The following FLCN variants were observed in gnomAD, a reference collection of about 807,000 sequenced individuals.
FLCN encodes BHD skin lesion fibrofolliculoma protein.
In FLCN, 22 loss-of-function variants were observed where a neutral mutation model predicts 62.5. The ratio of observed to expected loss-of-function variants is 0.35; its 90% CI spans 0.25 to 0.50. The LOEUF (loss-of-function observed/expected upper bound fraction) is 0.50. FLCN is among the 20% of genes least tolerant of loss of function. The pLI is 0.97. For synonymous variants in FLCN, 319 were observed against 310.0 expected (o/e 1.03, Z -0.30); for missense variants, 657 against 778.0 (o/e 0.84, Z 1.85).
chr17:17,221,052 G>T, intron 8 of FLCN: 4 of 823,098 alleles, frequency 4.9e-6, no homozygotes, highest in Non-Finnish European at 6.9e-6. Flanking sequence ...CCAGGCTGGT[G>T]CACACAGTGC....
At chr17:17,215,597 G>A (rs1438036229) in intron 11 of FLCN, among the ~76,000 whole-genome samples, 1 of 152,236 alleles carries the variant, frequency 6.6e-6, no homozygotes, top group African/African-American at 2.4e-5. Context: ...GCAGCCCTAT[G>A]AGGGTGGTCT....
At chr17:17,221,683 G>A (rs1461581815) in intron 7 of FLCN, 55 bp from the exon 8 acceptor site, 2 of 1,563,904 alleles carry the variant, frequency 1.3e-6, no homozygotes, top group Non-Finnish European at 1.7e-6. Flanking sequence ...AAGCAAACCT[G>A]ACGCTCACCC....
rs1020309073 is a variant in FLCN, at chr17:17,212,451, C to T, written c.*1204G>A. 1 of 135,274 alleles carries T rather than the reference C, an allele frequency of 7.4e-6. No individual in the cohort carries two copies. The highest frequency in any genetic ancestry group is 1.0e-4 in the Admixed American group (1 of 9,966). 8.4% of individuals were successfully genotyped at this position (135,274 alleles called of 1,614,324 possible). A position where few individuals can be genotyped will look rare whatever the true frequency, so the allele number is the denominator to read the frequency against. On this transcript the variant is annotated 3_prime_UTR_variant, in exon 14 of 14. Transcript: ENST00000285071. ...CTCAGGAGTTCAAGACCAGCCTGGA[C>T]GACATAGCAAGATGCCATCTCTTTA... is the stretch of plus-strand genomic sequence containing the variant.
intron 13 of FLCN, among the ~76,000 whole-genome samples, 189 bp from the exon 14 acceptor site, chr17:17,214,045 G>T (rs2046830457): frequency 6.6e-6 from 1 of 152,152 alleles, no homozygotes; most frequent in Non-Finnish European, 1.5e-5. Flanking sequence ...CAGCAAGGAA[G>T]GGAAGCTGTC....
chr17:17,228,615 C>A (rs1005549821), intron 3 of FLCN: 6 of 174,826 alleles, frequency 3.4e-5, no homozygotes, highest in Admixed American at 3.3e-4. Context: ...TGCCCTCATG[C>A]AGCTTACCTC....
At position 17,226,193 on chromosome 17, in the gene FLCN, G is replaced by C. The variant is rs1274919531; in HGVS notation, c.379C>G (p.Arg127Gly). 1 of 1,614,058 alleles carries C rather than the reference G, an allele frequency of 6.2e-7. No homozygotes were observed. Among genetic ancestry groups the C allele is most frequent in the Non-Finnish European group, 8.5e-7 (1 of 1,180,030 alleles). The change falls in exon 5 of 14, where the codon CGG becomes GGG. Residue 127 changes from arginine to glycine, a missense_variant. Physicochemically the swap from Arg to Gly is moderately radical, Grantham distance 125. Coordinates refer to ENST00000285071, the MANE Select transcript of FLCN (RefSeq NM_144997.7). ...AGGCTCACCTCACAGCTCAGGCTCC[G>C]GACACAGGCCTGGCGGACAATGCTG... ...LFSIVRQACV[R>G]SLSCEVCPGR...
intron 5 of FLCN, chr17:17,224,603 C>T (rs1708621): frequency 0.71 from 176,965 of 248,824 alleles, 63,125 homozygotes; most frequent in East Asian, 0.84. Flanking sequence ...TGGTGTGATC[C>T]TGGCCCACTG....
intron 9 of FLCN, among the ~76,000 whole-genome samples, chr17:17,218,631 T>C (rs1318680829): frequency 1.3e-5 from 2 of 152,046 alleles, no homozygotes; most frequent in Non-Finnish European, 2.9e-5. Context: ...CCGCTCCCCC[T>C]TGGCCTCCCA....
intron 1 of FLCN, among the ~76,000 whole-genome samples, chr17:17,236,649 C>T (rs1439909169): frequency 6.6e-6 from 1 of 152,160 alleles, no homozygotes; most frequent in Non-Finnish European, 1.5e-5. Flanking sequence ...GAGGATGACA[C>T]ACACCCTCTC....
Position 17,221,731 on chromosome 17 carries a change from T to A in FLCN, c.780-103A>T, listed in dbSNP as rs1042204124. On this transcript the variant is annotated intron_variant, in intron 7 of 13. Coordinates refer to ENST00000285071, the MANE Select transcript of FLCN (RefSeq NM_144997.7). ...TACCAGTTTAAAGAAAAAATGGGTATAAAAGAACACCAGCAGGGCACAACC... is the reference window on the plus strand; with the variant it reads ...TACCAGTTTAAAGAAAAAATGGGTAAAAAAGAACACCAGCAGGGCACAACC... 7 of 1,265,558 alleles carry A rather than the reference T, an allele frequency of 5.5e-6. No individual in the cohort carries two copies. In the South Asian group the frequency reaches 8.9e-5, roughly 16 times the overall value. 78.4% of individuals were successfully genotyped at this position (1,265,558 alleles called of 1,614,324 possible). A position where few individuals can be genotyped will look rare whatever the true frequency, so the allele number is the denominator to read the frequency against.
At chr17:17,215,134 G>A (rs369260716) in intron 12 of FLCN, 44 bp from the exon 13 acceptor site, 51 of 1,613,844 alleles carry the variant, frequency 3.2e-5, no homozygotes, top group Non-Finnish European at 3.9e-5. Flanking sequence ...GCGTTAGCGC[G>A]GGGCGGGGGC....
intron 1 of FLCN, among the ~76,000 whole-genome samples, chr17:17,235,109 CAAAAAAAAAAA>C (rs34695824): frequency 1.4e-5 from 1 of 70,622 alleles, no homozygotes; most frequent in Non-Finnish European, 2.7e-5. Context: ...GACTCCATTT[CAAAAAAAAAAA>C]AAAAAAAAAA....
chr17:17,214,949 C>T (rs371523217), intron 13 of FLCN, 36 bp downstream of exon 13: 67 of 1,600,438 alleles, frequency 4.2e-5, no homozygotes, highest in Non-Finnish European at 4.7e-5. Flanking sequence ...TCTCCAGGGT[C>T]GCAAGCAAAG....
Position 17,228,017 on chromosome 17 carries a change from G to C in FLCN, c.121C>G (p.Gln41Glu), listed in dbSNP as rs1254608489. Residue 41 changes from glutamine to glutamate, a missense_variant, in exon 4 of 14, where the codon CAG becomes GAG. Physicochemically the swap from Gln to Glu is conservative, Grantham distance 29 (BLOSUM62 2). Coordinates refer to ENST00000285071, the MANE Select transcript of FLCN (RefSeq NM_144997.7). The part of the protein sequence containing the change: ...QGDGNEDSPG[Q>E]GEQAEEEEGG... ...TCCTCTTCTTCCGCCTGCTCACCCT[G>C]GCCAGGACTGTCCTCATTCCCATCC... is the stretch of plus-strand genomic sequence containing the variant. 6.2e-7 allele frequency: 1 copy of C among 1,613,858 alleles called. No individual in the cohort carries two copies. Among genetic ancestry groups the C allele is most frequent in the African/African-American group, 1.3e-5 (1 of 74,944 alleles).
rs1254668741 is a variant in FLCN at position 17,234,229 on chromosome 17, T to G, written c.-227-1328A>C. On this transcript the variant is annotated intron_variant, in intron 1 of 13. Coordinates refer to ENST00000285071, the MANE Select transcript of FLCN (RefSeq NM_144997.7). ...TTTTTTTTTGGTTTGTTTTTTTTTT[T>G]GCGGAAGGGTCTCATTCTGTTGCCC... Among the ~76,000 whole-genome samples the G allele has an allele frequency of 2.0e-5, 3 of 150,002 alleles. No individual in the cohort carries two copies. In the East Asian group the frequency reaches 6.0e-4, roughly 30 times the overall value.
chr17:17,222,406 C>G, intron 7 of FLCN, 95 bp downstream of exon 7: 1 of 1,566,270 alleles, frequency 6.4e-7, no homozygotes, highest in Non-Finnish European at 8.7e-7. Flanking sequence ...GCAAACACGG[C>G]TAAGGACTGT....
rs1555609813 is a variant in FLCN at position 17,222,547 on chromosome 17, T to C, written c.733A>G (p.Thr245Ala). 6.2e-7 allele frequency: 1 copy of C among 1,614,208 alleles called. No homozygotes were observed. The highest frequency in any genetic ancestry group is 1.3e-5 in the African/African-American group (1 of 75,044). ...GNAARSLTSL[T>A]SDDNLWACLH... ...CACGCCCACAGGTTGTCATCACTTG[T>C]CAGCGATGTCAGCGAGCGGGCGGCG... Residue 245 changes from threonine (T) to alanine (A), a missense_variant, in exon 7 of 14, where the codon ACA becomes GCA. Physicochemically the swap from Thr to Ala is moderately conservative, Grantham distance 58. Transcript: ENST00000285071.
chr17:17,221,949 A>C (rs1049650936), intron 7 of FLCN, among the ~76,000 whole-genome samples: 7 of 152,000 alleles, frequency 4.6e-5, no homozygotes, highest in African/African-American at 1.7e-4. Context: ...TGCAGCCTGG[A>C]GAACACTCAG....
Position 17,213,383 on chromosome 17 carries a change from A to G in FLCN, c.*272T>C. On this transcript the variant is annotated 3_prime_UTR_variant, in exon 14 of 14. Transcript: ENST00000285071. ...GGCCTGGGAGGCAAGCTGTCCTCCT[A>G]GTCGTCTCTCCAAGGAGTTTGAACA... The G allele has an allele frequency of 1.8e-6, 1 of 560,368 alleles. No homozygotes were observed. The highest frequency in any genetic ancestry group is 3.2e-6 in the Non-Finnish European group (1 of 311,074). 34.7% of individuals were successfully genotyped at this position (560,368 alleles called of 1,614,324 possible). A position where few individuals can be genotyped will look rare whatever the true frequency, so the allele number is the denominator to read the frequency against.
Sources: allele counts gnomAD v4.1 joint callset (sites outside exome capture counted in the v4.1 genomes callset), GRCh38; gene constraint gnomAD v4.1.1; transcripts MANE v1.5; gene names NCBI Gene and HGNC (gene_info 2026-07-23, HGNC 2026-07-21).